The following ZNF696 variants were observed in gnomAD, a reference collection of about 807,000 sequenced individuals.
ZNF696 encodes the protein zinc finger protein 696.
ZNF696 carries 10 observed loss-of-function variants against 12.3 expected under a neutral mutation model. That is an observed-to-expected ratio of 0.81 (90% confidence interval 0.50 to 1.38). The LOEUF is 1.38. Ranked by LOEUF, ZNF696 falls within the 40% of genes most tolerant of loss-of-function variation. The probability of loss-of-function intolerance (pLI) is 0.00; values close to 1 mark genes in which losing one functional copy is unlikely to be tolerated. For synonymous variants in ZNF696, 304 were observed against 243.9 expected (o/e 1.25, Z -2.29); for missense variants, 675 against 554.7 (o/e 1.22, Z -2.18).
chr8:143,298,458 T>C lies in ZNF696; in HGVS notation c.*1658T>C, dbSNP rs1563746163. ...CTGAGCCAAGATCCTCAGGTACCAG[T>C]AGCGGTCAAAGCACCTGCTCCCTGA... is the stretch of plus-strand genomic sequence containing the variant. On this transcript the variant is annotated 3_prime_UTR_variant, in exon 3 of 3. Coordinates refer to ENST00000330143, the MANE Select transcript of ZNF696 (RefSeq NM_030895.3). Among the ~76,000 whole-genome samples, 1 of 152,100 alleles carries C rather than the reference T, an allele frequency of 6.6e-6. No homozygotes were observed. The highest frequency in any genetic ancestry group is 1.5e-5 in the Non-Finnish European group (1 of 67,986).
chr8:143,295,229 G>A (rs1020574316), intron 2 of ZNF696: 20 of 402,812 alleles, frequency 5.0e-5, no homozygotes, highest in Non-Finnish European at 9.8e-5. Flanking sequence ...TTTCCCAGCT[G>A]TCCCGCAGAG....
intron 1 of ZNF696, among the ~76,000 whole-genome samples, chr8:143,292,723 G>A (rs1227224980): frequency 6.6e-6 from 1 of 152,204 alleles, no homozygotes; most frequent in Non-Finnish European, 1.5e-5. Context: ...GTCAGCCCTG[G>A]GTGGAGGGGG....
In ZNF696 at chr8:143,291,780, C is replaced by G. The variant is rs1302315255; in HGVS notation, c.-31+13C>G. 3 of 985,260 alleles carry G rather than the reference C, an allele frequency of 3.0e-6. No individual in the cohort carries two copies. The highest frequency in any genetic ancestry group is 3.6e-6 in the Non-Finnish European group (3 of 829,922). The allele number at this position is 985,260 out of a possible 1,614,324, so 61.0% of individuals were successfully genotyped here. On this transcript the variant is annotated intron_variant, in intron 1 of 2. Coordinates refer to ENST00000330143, the MANE Select transcript of ZNF696 (RefSeq NM_030895.3). ...CTAATTCTTGCCGGTAAGGTACTTG[C>G]AAAAATCTGCTTCCAGACTAAAAAA...
chr8:143,299,537 G>A lies in ZNF696; in HGVS notation c.*2737G>A. On this transcript the variant is annotated 3_prime_UTR_variant, in exon 3 of 3. Coordinates refer to ENST00000330143, the MANE Select transcript of ZNF696 (RefSeq NM_030895.3). Reference sequence around the variant, plus strand: ...ACTGAGGCAGGAGGATCTCGGCTTGGATCCTCAGACCAGGAGTTTGAGGCA... The same window carrying A: ...ACTGAGGCAGGAGGATCTCGGCTTGAATCCTCAGACCAGGAGTTTGAGGCA... Among the ~76,000 whole-genome samples, 1 of 152,192 alleles carries A rather than the reference G, an allele frequency of 6.6e-6. No homozygotes were observed. The highest frequency in any genetic ancestry group is 1.5e-5 in the Non-Finnish European group (1 of 68,034).
At position 143,295,823 on chromosome 8, in the gene ZNF696, G is replaced by A. The variant is rs1042741275; in HGVS notation, c.148G>A (p.Ala50Thr). The A allele has an allele frequency of 6.9e-6, 11 of 1,595,600 alleles. No homozygotes were observed. The African/African-American group carries it at 9.4e-5, about 14-fold the overall frequency. The change falls in exon 3 of 3, where the codon GCA becomes ACA. Residue 50 changes from alanine to threonine, a missense_variant. Coordinates refer to ENST00000330143, the MANE Select transcript of ZNF696 (RefSeq NM_030895.3). ...VQAAQSTEPA[A>T]EAGAPEGEGH... ...GGCAGCTCAGAGCACGGAGCCTGCCGCAGAGGCAGGCGCTCCCGAGGGAGA... is the reference window on the plus strand; with the variant it reads ...GGCAGCTCAGAGCACGGAGCCTGCCACAGAGGCAGGCGCTCCCGAGGGAGA...
intron 2 of ZNF696, 22 bp downstream of exon 2, chr8:143,293,087 C>T (rs201737073): frequency 5.0e-6 from 8 of 1,598,922 alleles, no homozygotes; most frequent in African/African-American, 4.0e-5. Context: ...TGTCCACAGT[C>T]GGGCCCAGAG....
chr8:143,295,083 C>CAAGA (rs10668364), intron 2 of ZNF696, among the ~76,000 whole-genome samples: 69,189 of 151,550 alleles, frequency 0.46, 16,709 homozygotes, highest in East Asian at 0.69. Context: ...CCCTGGCTCA[C>CAAGA]AAGAAAGGAA....
At chr8:143,291,887 C>T in intron 1 of ZNF696, 120 bp downstream of exon 1, 1 of 641,330 alleles carries the variant, frequency 1.6e-6, no homozygotes, top group Non-Finnish European at 1.9e-6. Context: ...TGGGCTCAAG[C>T]GATCCTCCCG....
In ZNF696 at chr8:143,296,702, C is replaced by T. The variant is rs749740423; in HGVS notation, c.1027C>T (p.His343Tyr). Residue 343 changes from histidine (H) to tyrosine (Y), a missense_variant, in exon 3 of 3, where the codon CAC (histidine) becomes TAC (tyrosine). Coordinates refer to ENST00000330143, the MANE Select transcript of ZNF696 (RefSeq NM_030895.3). ...LSGFFRHQRL[H>Y]TGEKPFRCTE... ...GGGCTTCTTCCGGCACCAGCGACTCCACACGGGCGAGAAGCCGTTCCGCTG... is the reference window on the plus strand; with the variant it reads ...GGGCTTCTTCCGGCACCAGCGACTCTACACGGGCGAGAAGCCGTTCCGCTG... The T allele has an allele frequency of 1.3e-6, 2 of 1,559,626 alleles. No homozygotes were observed. The highest frequency in any genetic ancestry group is 1.7e-6 in the Non-Finnish European group (2 of 1,161,042).
chr8:143,296,386 C>G lies in ZNF696; in HGVS notation c.711C>G (p.Tyr237Ter). The change falls in exon 3 of 3, where the codon TAC (tyrosine) becomes TAG (stop). Residue 237 changes from tyrosine (Y) to a stop codon, truncating the protein, a stop_gained. Transcript: ENST00000330143. LOFTEE classifies it high-confidence loss of function. ...GCACCCACACCGGGGAGAGGCTGTA[C>G]GCGTGCGGCGAGTGCGGGAAGCGCT... ...HRRTHTGERL[Y>*]ACGECGKRFL... 1 of 1,594,498 alleles carries G rather than the reference C, an allele frequency of 6.3e-7. No individual in the cohort carries two copies.
rs1006748992 is a variant in ZNF696, at chr8:143,296,843, C to G, written c.*43C>G. 1.4e-5 allele frequency: 19 copies of G among 1,361,408 alleles called. No homozygotes were observed. Among genetic ancestry groups the G allele is most frequent in the Non-Finnish European group, 1.6e-5 (17 of 1,061,422 alleles). The allele number at this position is 1,361,408 out of a possible 1,614,324, so 84.3% of individuals were successfully genotyped here. ...AGAGATGCCGGCGGCCTGGTGGGCGCGAGGCCGAGGCCGGGGGAGGCTCCT... is the reference window on the plus strand; with the variant it reads ...AGAGATGCCGGCGGCCTGGTGGGCGGGAGGCCGAGGCCGGGGGAGGCTCCT... On this transcript the variant is annotated 3_prime_UTR_variant, in exon 3 of 3. Coordinates refer to ENST00000330143, the MANE Select transcript of ZNF696 (RefSeq NM_030895.3).
chr8:143,295,050 C>G (rs1388689857), intron 2 of ZNF696, among the ~76,000 whole-genome samples: 1 of 151,978 alleles, frequency 6.6e-6, no homozygotes, highest in African/African-American at 2.4e-5. Flanking sequence ...CCACTGCACT[C>G]CAGCCTGGGT....
Position 143,296,369 on chromosome 8 carries a change from A to C in ZNF696, c.694A>C (p.Thr232Pro). Residue 232 changes from threonine (T) to proline (P), a missense_variant, in exon 3 of 3, where the codon ACC becomes CCC. Thr to Pro is a conservative substitution (Grantham distance 38, BLOSUM62 -1). Transcript: ENST00000330143. Reference protein sequence around the residue: ...SDAAKHRRTHTGERLYACGEC... With the variant: ...SDAAKHRRTHPGERLYACGEC... ...CGCCGCCAAGCACCGCCGCACCCAC[A>C]CCGGGGAGAGGCTGTACGCGTGCGG... The C allele has an allele frequency of 6.3e-7, 1 of 1,592,176 alleles. No homozygotes were observed. Among genetic ancestry groups the C allele is most frequent in the East Asian group, 2.3e-5 (1 of 44,270 alleles).
Position 143,298,657 on chromosome 8 carries a change from G to A in ZNF696, c.*1857G>A, listed in dbSNP as rs1192005029. 5.0e-4 allele frequency among the ~76,000 whole-genome samples: 76 copies of A among 152,242 alleles called. No homozygotes were observed. The highest frequency in any genetic ancestry group is 8.8e-5 in the Non-Finnish European group (6 of 68,050). ...GAAACTGTCATCATACAGGTGAGAGGATAGTTATGTGTGAGGTGTTCAAAG... is the reference window on the plus strand; with the variant it reads ...GAAACTGTCATCATACAGGTGAGAGAATAGTTATGTGTGAGGTGTTCAAAG... On this transcript the variant is annotated 3_prime_UTR_variant, in exon 3 of 3. Transcript: ENST00000330143.
chr8:143,292,948 T>C (rs756639132), intron 1 of ZNF696, 24 bp from the exon 2 acceptor site: 1 of 1,600,366 alleles, frequency 6.2e-7, no homozygotes, highest in South Asian at 1.1e-5. Flanking sequence ...TGTGATTTAT[T>C]TTCCTTTTCT....
rs1815703644 is a variant in ZNF696 at position 143,296,024 on chromosome 8, G to A, written c.349G>A (p.Gly117Arg). ...PPNAGPGAEG[G>R]GSWKGRPFPC... is the part of the protein sequence containing the mutation. The stretch of plus-strand genomic sequence containing the variant: ...GAACGCAGGCCCCGGCGCAGAGGGC[G>A]GGGGCAGCTGGAAGGGGCGGCCTTT... The change falls in exon 3 of 3, where the codon GGG becomes AGG. Residue 117 changes from glycine to arginine, a missense_variant. Transcript: ENST00000330143. The A allele has an allele frequency of 1.9e-6, 3 of 1,594,186 alleles. No individual in the cohort carries two copies. The highest frequency in any genetic ancestry group is 2.6e-6 in the Non-Finnish European group (3 of 1,169,832).
chr8:143,296,725 CT>C lies in ZNF696; in HGVS notation c.1051del (p.Cys351AlafsTer10). The C allele has an allele frequency of 2.0e-6, 3 of 1,537,224 alleles. No individual in the cohort carries two copies. The highest frequency in any genetic ancestry group is 2.6e-6 in the Non-Finnish European group (3 of 1,151,780). On this transcript the variant is annotated frameshift_variant, in exon 3 of 3. Transcript: ENST00000330143. LOFTEE classifies it high-confidence loss of function. ...RLHTGEKPFR[C>X]TECGRAFRLS... ...TCCACACGGGCGAGAAGCCGTTCCG[CT>C]GCACCGAGTGCGGCCGCGCCTTCCG...
At chr8:143,294,008 C>T (rs540308774) in intron 2 of ZNF696, among the ~76,000 whole-genome samples, 1 of 152,276 alleles carries the variant, frequency 6.6e-6, no homozygotes, top group African/African-American at 2.4e-5. Flanking sequence ...GGGACTCAGC[C>T]GCTTCTCCTC....
At chr8:143,294,327 C>G (rs781360757) in intron 2 of ZNF696, among the ~76,000 whole-genome samples, 1 of 152,130 alleles carries the variant, frequency 6.6e-6, no homozygotes, top group Non-Finnish European at 1.5e-5. Flanking sequence ...GCGCCGCCGC[C>G]GCCCAGCCCA....
Sources: allele counts gnomAD v4.1 joint callset (sites outside exome capture counted in the v4.1 genomes callset), GRCh38; gene constraint gnomAD v4.1.1; transcripts MANE v1.5; gene names NCBI Gene and HGNC (gene_info 2026-07-23, HGNC 2026-07-21).